MICAL3: variants seen among roughly 807,000 people sequenced by gnomAD.
MICAL3 encodes the protein [F-actin]-monooxygenase MICAL3.
A neutral mutation model predicts 207.4 loss-of-function variants in MICAL3; 62 were observed. That is an observed-to-expected ratio of 0.30 (90% confidence interval 0.24 to 0.37). The LOEUF is 0.37. MICAL3 is among the 10% of genes least tolerant of loss of function. MICAL3 has a pLI of 1.00. For missense variants in MICAL3, 2,368 were observed against 2,635.6 expected (o/e 0.90, Z 2.22); for synonymous variants, 1,077 against 1,069.3 (o/e 1.01, Z -0.14).
At chr22:17,800,926 G>A (rs552931871) in intron 29 of MICAL3, among the ~76,000 whole-genome samples, 1 of 152,282 alleles carries the variant, frequency 6.6e-6, no homozygotes, top group African/African-American at 2.4e-5. Context: ...CGGGCGTGGC[G>A]AGAACAGGGC....
chr22:17,851,663 G>A (rs1366376036), intron 19 of MICAL3, among the ~76,000 whole-genome samples: 2 of 152,232 alleles, frequency 1.3e-5, no homozygotes, highest in African/African-American at 4.8e-5. Flanking sequence ...TTGGTGCTAC[G>A]CAGTTCCCCA....
chr22:17,845,650 C>T (rs967267971), intron 19 of MICAL3, among the ~76,000 whole-genome samples: 1 of 152,174 alleles, frequency 6.6e-6, no homozygotes, highest in Non-Finnish European at 1.5e-5. Context: ...TCAGGTCACA[C>T]AGCTAGTGAG....
At position 17,790,824 on chromosome 22, in the gene MICAL3, G is replaced by A; in HGVS notation, c.5917C>T (p.Leu1973=). 8 of 1,613,788 alleles carry A rather than the reference G, an allele frequency of 5.0e-6. No individual in the cohort carries two copies. Among genetic ancestry groups the A allele is most frequent in the Non-Finnish European group, 6.8e-6 (8 of 1,179,866 alleles). ...TCCCGGAGCCGCTGCTCCTCCAGCA[G>A]CGCCACCAGTGAGTCTCTCTGCTCC... ...VVEQRDSLVA[L]LEEQRLRERE... Residue 1973 remains leucine (L), a synonymous_variant, in exon 32 of 32, where the codon CTG becomes TTG. Coordinates refer to ENST00000441493, the MANE Select transcript of MICAL3 (RefSeq NM_015241.3).
At position 17,900,766 on chromosome 22, in the gene MICAL3, C is replaced by T. The variant is rs144318988; in HGVS notation, c.847+76G>A. 1.5e-5 allele frequency: 21 copies of T among 1,388,458 alleles called. No individual in the cohort carries two copies. In the East Asian group the frequency reaches 4.8e-4, roughly 32 times the overall value. The allele number at this position is 1,388,458 out of a possible 1,614,324, so 86.0% of individuals were successfully genotyped here. ...GAGGGACACCGACGGCCACTCACCC[C>T]ACCAATCCCCCAAGAAAAAGCCACC... On this transcript the variant is annotated intron_variant, in intron 6 of 31. Coordinates refer to ENST00000441493, the MANE Select transcript of MICAL3 (RefSeq NM_015241.3). The surrounding 1 kb of genome is among the most constrained non-coding windows in gnomAD (Gnocchi z 4.0).
intron 11 of MICAL3, 63 bp downstream of exon 11, chr22:17,893,745 G>C: frequency 8.3e-7 from 1 of 1,199,106 alleles, no homozygotes; most frequent in Non-Finnish European, 1.2e-6. Flanking sequence ...GTGGCTCAGG[G>C]AATGAGTATA....
intron 24 of MICAL3, among the ~76,000 whole-genome samples, 184 bp downstream of exon 24, chr22:17,821,846 C>A (rs1921682937): frequency 6.6e-6 from 1 of 152,252 alleles, no homozygotes; most frequent in Non-Finnish European, 1.5e-5. Context: ...GCCAAAGCAA[C>A]TGCAGCAGCC....
At chr22:17,905,542 A>G (rs527617378) in intron 2 of MICAL3, among the ~76,000 whole-genome samples, 1 of 152,320 alleles carries the variant, frequency 6.6e-6, no homozygotes. Flanking sequence ...GTACTCACTC[A>G]TGAAAGTCAT....
chr22:17,901,896 G>T lies in MICAL3; in HGVS notation c.673C>A (p.Arg225=). ...CCAATACCTTCCAAGGTGTTCCTCC[G>T]ACCATCCCCACCGATGATCACTTCA... ...EFEVIIGGDG[R]RNTLEGFRRK... Residue 225 remains arginine, a synonymous_variant, in exon 5 of 32, where the codon CGG becomes AGG. Transcript: ENST00000441493. The T allele has an allele frequency of 1.2e-6, 2 of 1,613,428 alleles. No individual in the cohort carries two copies. Among genetic ancestry groups the T allele is most frequent in the South Asian group, 1.1e-5 (1 of 91,050 alleles).
intron 16 of MICAL3, among the ~76,000 whole-genome samples, chr22:17,883,475 C>G (rs1292525932): frequency 6.6e-6 from 1 of 152,232 alleles, no homozygotes; most frequent in African/African-American, 2.4e-5. Flanking sequence ...ACGGAAGGCA[C>G]TGACGGCATC....
At chr22:17,853,303 C>A (rs1468120676) in intron 19 of MICAL3, among the ~76,000 whole-genome samples, 2 of 152,180 alleles carry the variant, frequency 1.3e-5, no homozygotes, top group Admixed American at 1.3e-4. Flanking sequence ...ACTCCCCCAG[C>A]CCACTCTGCT....
chr22:17,890,089 A>G lies in MICAL3; in HGVS notation c.1695-859T>C, dbSNP rs1482054674. ...AAGTTTCCTATTTAGATTAATGGCC[A>G]TTTCCTACTGGGTTTAAGCCTCTTG... On this transcript the variant is annotated intron_variant, in intron 12 of 31. Coordinates refer to ENST00000441493, the MANE Select transcript of MICAL3 (RefSeq NM_015241.3). Among the ~76,000 whole-genome samples the G allele has an allele frequency of 2.0e-5, 3 of 152,134 alleles. No individual in the cohort carries two copies. The East Asian group carries it at 5.8e-4, about 29-fold the overall frequency.
intron 27 of MICAL3, chr22:17,812,949 C>T (rs1441347363): frequency 1.3e-5 from 2 of 152,128 alleles, no homozygotes; most frequent in Non-Finnish European, 2.9e-5. Context: ...AAATTCAGCC[C>T]ACTTCTTCCT....
At chr22:17,873,368 G>A (rs1205948292) in intron 16 of MICAL3, among the ~76,000 whole-genome samples, 3 of 152,256 alleles carry the variant, frequency 2.0e-5, no homozygotes, top group Non-Finnish European at 4.4e-5. Flanking sequence ...AGCGCACGTC[G>A]CCAGCTCTTC....
rs745582590 is a variant in MICAL3, at chr22:17,871,892, G to A, written c.2373C>T (p.Cys791=). The change falls in exon 17 of 32, where the codon TGC becomes TGT. Residue 791 remains cysteine (C), a synonymous_variant. Transcript: ENST00000441493. ...GKFFHRSCFK[C]EYCATTLRLS... ...GGCGCAGGGTGGTGGCGCAGTACTC[G>A]CACTTGAAGCAGCTCCGGTGGAAGA... 20 of 1,611,374 alleles carry A rather than the reference G, an allele frequency of 1.2e-5. No individual in the cohort carries two copies. Among genetic ancestry groups the A allele is most frequent in the East Asian group, 2.2e-5 (1 of 44,802 alleles).
intron 21 of MICAL3, among the ~76,000 whole-genome samples, 153 bp from the exon 22 acceptor site, chr22:17,827,934 T>TACAC (rs60820224): frequency 0.26 from 39,300 of 150,826 alleles, 5,506 homozygotes; most frequent in Non-Finnish European, 0.33. Flanking sequence ...TGCACATGTA[T>TACAC]ACACACACAC....
intron 1 of MICAL3, among the ~76,000 whole-genome samples, chr22:17,964,229 GGAAGA>G (rs1935047514): frequency 6.6e-6 from 1 of 152,200 alleles, no homozygotes. Flanking sequence ...CAGCTCAAGA[GGAAGA>G]AGGCCAGCCT....
intron 1 of MICAL3, among the ~76,000 whole-genome samples, chr22:17,965,195 AAAAAAAAAG>A (rs888169893): frequency 6.6e-5 from 10 of 151,934 alleles, no homozygotes; most frequent in Non-Finnish European, 8.8e-5. Context: ...AAAAAAAAAA[AAAAAAAAAG>A]GAAGGGAACT....
At chr22:17,877,731 C>G (rs905073259) in intron 16 of MICAL3, among the ~76,000 whole-genome samples, 1 of 152,054 alleles carries the variant, frequency 6.6e-6, no homozygotes, top group Non-Finnish European at 1.5e-5. Context: ...CTCTGCAAGC[C>G]TTATTGCCTC....
At chr22:17,976,558 T>TGTGTGTGTGTGTGTGC (rs1389551497) in intron 1 of MICAL3, among the ~76,000 whole-genome samples, 8 of 80,612 alleles carry the variant, frequency 9.9e-5, no homozygotes, top group African/African-American at 6.3e-4. Flanking sequence ...TGTGTGTGTG[T>TGTGTGTGTGTGTGTGC]GTGTATATAT....
Sources: gnomAD v4.1 joint callset for allele counts (sites outside exome capture counted in the v4.1 genomes callset) on GRCh38, gnomAD v4.1.1 for gene constraint, Gnocchi (gnomAD v3.1) non-coding constraint, MANE v1.5 for transcripts, NCBI Gene and HGNC (gene_info 2026-07-23, HGNC 2026-07-21) for gene names.